Variants in SNX29 observed in about 807,000 individuals in gnomAD.
SNX29 encodes sorting nexin 29.
In SNX29, 78 loss-of-function variants were observed where a neutral mutation model predicts 102.1. That is an observed-to-expected ratio of 0.76 (90% confidence interval 0.64 to 0.92). SNX29 has a LOEUF of 0.92. SNX29 is among the 40% of genes least tolerant of loss of function. The pLI, the probability that SNX29 is intolerant of heterozygous loss-of-function variation, is 0.00. For missense variants in SNX29, 1,280 were observed against 1,061.7 expected, an observed-to-expected ratio of 1.21 and a Z score of -2.86; for synonymous variants, 580 against 414.5, an observed-to-expected ratio of 1.40 and a Z score of -4.85.
At chr16:12,128,596 G>T (rs1044802960) in intron 12 of SNX29, among the ~76,000 whole-genome samples, 1 of 151,906 alleles carries the variant, frequency 6.6e-6, no homozygotes, top group Admixed American at 6.6e-5. Context: ...GGCATTACAG[G>T]TGTGTACTAC....
At chr16:12,342,510 C>T (rs780083763) in intron 15 of SNX29, among the ~76,000 whole-genome samples, 4 of 152,158 alleles carry the variant, frequency 2.6e-5, no homozygotes, top group East Asian at 1.9e-4. Flanking sequence ...TATACCATCT[C>T]GTCTTTCCAT....
chr16:12,178,447 AC>A (rs1439305414), intron 13 of SNX29, among the ~76,000 whole-genome samples: 1 of 152,122 alleles, frequency 6.6e-6, no homozygotes, highest in Non-Finnish European at 1.5e-5. Flanking sequence ...TCAGGACGGC[AC>A]CCAGCTGTCC....
At chr16:12,481,483 T>C (rs780049833) in intron 19 of SNX29, among the ~76,000 whole-genome samples, 5 of 93,702 alleles carry the variant, frequency 5.3e-5, no homozygotes, top group African/African-American at 6.1e-5. Context: ...TATACACACA[T>C]ATATATACAC....
chr16:12,274,940 C>CTT (rs2079199581), intron 14 of SNX29, among the ~76,000 whole-genome samples: 1 of 152,174 alleles, frequency 6.6e-6, no homozygotes, highest in African/African-American at 2.4e-5. Context: ...GTCTCCTCCT[C>CTT]TCTCTCTGGA....
At chr16:12,428,658 A>G (rs937952881) in intron 18 of SNX29, among the ~76,000 whole-genome samples, 1 of 152,206 alleles carries the variant, frequency 6.6e-6, no homozygotes, top group African/African-American at 2.4e-5. Context: ...ATTTGATTGC[A>G]ATTAATATCT....
At chr16:12,539,042 A>G (rs1198846780) in intron 20 of SNX29, among the ~76,000 whole-genome samples, 4 of 152,208 alleles carry the variant, frequency 2.6e-5, no homozygotes, top group African/African-American at 9.6e-5. Context: ...TGGGGCCCAG[A>G]AAGACATCAC....
intron 4 of SNX29, among the ~76,000 whole-genome samples, chr16:12,038,405 C>A (rs2057535227): frequency 2.6e-5 from 4 of 152,206 alleles, no homozygotes; most frequent in Admixed American, 2.6e-4. Context: ...CCCGGGGCAG[C>A]TCTTCTCAAC....
At chr16:12,202,969 T>TG (rs2076949770) in intron 14 of SNX29, among the ~76,000 whole-genome samples, 1 of 151,704 alleles carries the variant, frequency 6.6e-6, no homozygotes, top group Admixed American at 6.6e-5. Context: ...TCTGAAGTTG[T>TG]GTAGCATGGC....
intron 18 of SNX29, among the ~76,000 whole-genome samples, chr16:12,406,662 C>T (rs1236490672): frequency 6.6e-6 from 1 of 152,190 alleles, no homozygotes; most frequent in Non-Finnish European, 1.5e-5. Context: ...AATCCCAGCA[C>T]TTTGGGAGGC....
intron 18 of SNX29, among the ~76,000 whole-genome samples, chr16:12,448,096 C>A (rs2086144434): frequency 6.6e-6 from 1 of 152,132 alleles, no homozygotes; most frequent in Non-Finnish European, 1.5e-5. Context: ...AGGGCAACAG[C>A]AAAAATGACG....
At chr16:12,203,173 G>A (rs935198705) in intron 14 of SNX29, among the ~76,000 whole-genome samples, 1 of 152,072 alleles carries the variant, frequency 6.6e-6, no homozygotes, top group Non-Finnish European at 1.5e-5. Context: ...ACTCTCAGGT[G>A]GACTGGTGGC....
At position 12,554,194 on chromosome 16, in the gene SNX29, A is replaced by G. The variant is rs533095618; in HGVS notation, c.2319-14312A>G. ...GTGTGAATAAGTTCTGGCTTAAACCATTTGAACGATGAGCATATATAGAGC... is the reference window on the plus strand; with the variant it reads ...GTGTGAATAAGTTCTGGCTTAAACCGTTTGAACGATGAGCATATATAGAGC... On this transcript the variant is annotated intron_variant, in intron 20 of 20. Coordinates refer to ENST00000566228, the MANE Select transcript of SNX29 (RefSeq NM_032167.5). 4.6e-5 allele frequency among the ~76,000 whole-genome samples: 7 copies of G among 152,336 alleles called. No individual in the cohort carries two copies. In the South Asian group the frequency reaches 1.0e-3, roughly 23 times the overall value.
intron 18 of SNX29, among the ~76,000 whole-genome samples, chr16:12,458,296 A>T (rs1485614399): frequency 6.6e-6 from 1 of 152,078 alleles, no homozygotes; most frequent in East Asian, 1.9e-4. Flanking sequence ...AAAACCTCTT[A>T]AATGCATTTC....
intron 19 of SNX29, among the ~76,000 whole-genome samples, chr16:12,492,213 A>G (rs137855919): frequency 0.023 from 3,512 of 152,246 alleles, 131 homozygotes; most frequent in African/African-American, 0.079. Flanking sequence ...CTTTTTAATG[A>G]TCGCCATTCT....
chr16:12,299,660 G>C (rs557403194), intron 15 of SNX29, among the ~76,000 whole-genome samples: 387 of 152,126 alleles, frequency 2.5e-3, no homozygotes, highest in Non-Finnish European at 4.1e-3. Context: ...TTCAGAGCTA[G>C]AAAATCTTTC....
chr16:12,254,566 G>A (rs944622456), intron 14 of SNX29, among the ~76,000 whole-genome samples: 4 of 152,052 alleles, frequency 2.6e-5, no homozygotes, highest in South Asian at 2.1e-4. Flanking sequence ...GCTTGAACCC[G>A]GGAGGCAGAG....
At chr16:12,070,187 T>A (rs2051230066) in intron 10 of SNX29, among the ~76,000 whole-genome samples, 2 of 152,154 alleles carry the variant, frequency 1.3e-5, no homozygotes, top group Admixed American at 1.3e-4. Flanking sequence ...TGGATGCTTT[T>A]TTTTTATTAT....
At chr16:11,986,382 A>G (rs1402653517) in intron 1 of SNX29, among the ~76,000 whole-genome samples, 1 of 151,154 alleles carries the variant, frequency 6.6e-6, no homozygotes, top group Non-Finnish European at 1.5e-5. Context: ...CTTAAAAAAA[A>G]AAAAAAAAAG....
chr16:12,559,942 GCACTCCAGCCTGGGCAACAGAGCAA>G (rs1413084733), intron 20 of SNX29, among the ~76,000 whole-genome samples: 2 of 152,142 alleles, frequency 1.3e-5, no homozygotes, highest in African/African-American at 4.8e-5. Flanking sequence ...TTACATCACT[GCACTCCAGCCTGGGCAACAGAGCAA>G]GACTCCACCA....
Sources: gnomAD v4.1 joint callset for allele counts (sites outside exome capture counted in the v4.1 genomes callset) on GRCh38, gnomAD v4.1.1 for gene constraint, MANE v1.5 for transcripts, NCBI Gene and HGNC (gene_info 2026-07-23, HGNC 2026-07-21) for gene names.